ATP1A4: variants seen among roughly 807,000 people sequenced by gnomAD.
The protein encoded by ATP1A4 is sodium/potassium-transporting ATPase subunit alpha-4.
In ATP1A4, 90 loss-of-function variants were observed where a neutral mutation model predicts 114.3. The observed-to-expected ratio is 0.79, with a 90% CI of 0.66 to 0.94. ATP1A4 has a LOEUF of 0.94. Ranked by LOEUF, ATP1A4 falls within the 40% of genes least tolerant of loss-of-function variation. The pLI is 0.00. For synonymous variants in ATP1A4, 511 were observed against 494.1 expected (o/e 1.03, Z -0.45); for missense variants, 1,222 against 1,313.6 (o/e 0.93, Z 1.08).
At position 160,171,726 on chromosome 1, in the gene ATP1A4, C is replaced by T. The variant is rs1571025919; in HGVS notation, c.1823C>T (p.Ala608Val). 2 of 1,614,172 alleles carry T rather than the reference C, an allele frequency of 1.2e-6. No individual in the cohort carries two copies. Among genetic ancestry groups the T allele is most frequent in the Non-Finnish European group, 1.7e-6 (2 of 1,180,024 alleles). Residue 608 changes from alanine (A) to valine (V), a missense_variant, in exon 12 of 22, where the codon GCT becomes GTT. Transcript: ENST00000368081. The part of the protein sequence containing the change: ...IDPPRAAVPD[A>V]VSKCRSAGIK... ...CCTCCCCGAGCTGCAGTGCCTGATG[C>T]TGTGAGCAAGTGTCGCAGTGCAGGA...
chr1:160,168,353 T>C (rs2101639180), intron 10 of ATP1A4, among the ~76,000 whole-genome samples: 1 of 149,646 alleles, frequency 6.7e-6, no homozygotes, highest in Non-Finnish European at 1.5e-5. Flanking sequence ...AAAATGACAA[T>C]GAGACTCCCA....
At chr1:160,163,091 G>A (rs1652914291) in intron 6 of ATP1A4, among the ~76,000 whole-genome samples, 1 of 152,078 alleles carries the variant, frequency 6.6e-6, no homozygotes, top group African/African-American at 2.4e-5. Flanking sequence ...TGCTCTTTGT[G>A]GGAACCAAAC....
At chr1:160,182,423 T>C (rs543078486) in intron 20 of ATP1A4, among the ~76,000 whole-genome samples, 11 of 152,360 alleles carry the variant, frequency 7.2e-5, no homozygotes, top group African/African-American at 2.6e-4. Flanking sequence ...TTAATGTATA[T>C]GTATGTGATC....
rs57317438 is a variant in ATP1A4, at chr1:160,178,014, G to T, written c.2736+350G>T. On this transcript the variant is annotated intron_variant, in intron 18 of 21. Coordinates refer to ENST00000368081, the MANE Select transcript of ATP1A4 (RefSeq NM_144699.4). ...CATGATTGCCCCAGAAATAAATGCTGGGTCCTCTCCTCTTATACTCTCCCT... is the reference window on the plus strand; with the variant it reads ...CATGATTGCCCCAGAAATAAATGCTTGGTCCTCTCCTCTTATACTCTCCCT... 7.5e-4 allele frequency among the ~76,000 whole-genome samples: 114 copies of T among 152,130 alleles called. 1 individual carries two copies. The highest frequency in any genetic ancestry group is 2.7e-3 in the African/African-American group (113 of 41,446).
At position 160,171,584 on chromosome 1, in the gene ATP1A4, G is replaced by C; in HGVS notation, c.1682-1G>C. 1 of 1,613,540 alleles carries C rather than the reference G, an allele frequency of 6.2e-7. No homozygotes were observed. The highest frequency in any genetic ancestry group is 8.5e-7 in the Non-Finnish European group (1 of 1,179,678). Reference sequence around the variant, plus strand: ...TGGTCCCTCCCTCTGTCTCTCTCCAGGCTTCTGCTTCTTGAATCTGCCTAG... The same window carrying C: ...TGGTCCCTCCCTCTGTCTCTCTCCACGCTTCTGCTTCTTGAATCTGCCTAG... On this transcript the variant is annotated splice_acceptor_variant, in intron 11 of 21. Transcript: ENST00000368081. LOFTEE classifies it high-confidence loss of function.
intron 18 of ATP1A4, among the ~76,000 whole-genome samples, chr1:160,177,950 A>G (rs1443329339): frequency 2.0e-5 from 3 of 152,136 alleles, no homozygotes; most frequent in Non-Finnish European, 4.4e-5. Flanking sequence ...TTGTCATATC[A>G]ACTTTTCTGA....
Position 160,173,581 on chromosome 1 carries a change from G to A in ATP1A4, c.1855G>A (p.Val619Met), listed in dbSNP as rs376336998. 17 of 1,613,124 alleles carry A rather than the reference G, an allele frequency of 1.1e-5. No individual in the cohort carries two copies. In the African/African-American group the frequency reaches 1.9e-4, roughly 18 times the overall value. The stretch of plus-strand genomic sequence containing the variant: ...CTCTTCCCTCTCCTTCCCAACCCAG[G>A]TGATCATGGTAACAGGAGATCATCC... ...VSKCRSAGIK[V>M]IMVTGDHPIT... The change falls in exon 13 of 22, where the codon GTG becomes ATG. Residue 619 changes from valine to methionine, a missense_variant and splice_region_variant. Physicochemically the swap from Val to Met is conservative, Grantham distance 21 (BLOSUM62 1). Transcript: ENST00000368081.
intron 3 of ATP1A4, among the ~76,000 whole-genome samples, 155 bp downstream of exon 3, chr1:160,155,403 AAATGTAATTGATTGTAATTAATTAC>A (rs1281571815): frequency 2.6e-5 from 4 of 152,110 alleles, no homozygotes; most frequent in Admixed American, 6.5e-5. Flanking sequence ...CATTAATTAT[AAATGTAATTGATTGTAATTAATTAC>A]AATGTAATTG....
intron 18 of ATP1A4, among the ~76,000 whole-genome samples, chr1:160,181,351 G>A (rs961741283): frequency 2.0e-5 from 3 of 151,972 alleles, no homozygotes; most frequent in Admixed American, 1.3e-4. Flanking sequence ...TCAGGAGTTC[G>A]AGACCAGTCT....
chr1:160,186,831 T>C lies in ATP1A4; in HGVS notation c.*132T>C. 9.2e-7 allele frequency: 1 copy of C among 1,090,428 alleles called. No individual in the cohort carries two copies. The highest frequency in any genetic ancestry group is 1.4e-6 in the Non-Finnish European group (1 of 736,722). The allele number at this position is 1,090,428 out of a possible 1,614,324, so 67.5% of individuals were successfully genotyped here. ...CTTGGATGAGAAAGATGGGCAATCCTGGGCTGGCTTGAGGGAATCATGGGC... is the reference window on the plus strand; with the variant it reads ...CTTGGATGAGAAAGATGGGCAATCCCGGGCTGGCTTGAGGGAATCATGGGC... On this transcript the variant is annotated 3_prime_UTR_variant, in exon 22 of 22. Coordinates refer to ENST00000368081, the MANE Select transcript of ATP1A4 (RefSeq NM_144699.4).
chr1:160,174,792 C>T, intron 15 of ATP1A4, 45 bp downstream of exon 15: 1 of 1,611,090 alleles, frequency 6.2e-7, no homozygotes, highest in Non-Finnish European at 8.5e-7. Context: ...ACCCTGGACT[C>T]AGGTGGGGGT....
rs881292 is a variant in ATP1A4 at position 160,176,291 on chromosome 1, C to T, written c.2466+45C>T. ...GCAAGAGATTCCCAGAATTCTGCCT[C>T]CTAAGCTCCCTGCTTTCTGCCTGGA... On this transcript the variant is annotated intron_variant, in intron 16 of 21. Transcript: ENST00000368081. The T allele has an allele frequency of 2.6e-3, 4,198 of 1,610,188 alleles. 97 individuals are homozygous for T. In the African/African-American group the frequency reaches 0.049, roughly 19 times the overall value.
chr1:160,185,654 C>T (rs1653853413), intron 20 of ATP1A4, among the ~76,000 whole-genome samples: 5 of 151,840 alleles, frequency 3.3e-5, no homozygotes, highest in Admixed American at 3.3e-4. Context: ...GGCATGGTGG[C>T]TCACACTTAT....
At position 160,171,652 on chromosome 1, in the gene ATP1A4, T is replaced by A. The variant is rs1295897309; in HGVS notation, c.1749T>A (p.Asn583Lys). ...KGFPFNTDEI[N>K]FPMDNLCFVG... ...TCCCATTTAATACAGATGAAATAAA[T>A]TTCCCCATGGACAACCTTTGTTTTG... The change falls in exon 12 of 22, where the codon AAT becomes AAA. Residue 583 changes from asparagine (N) to lysine (K), a missense_variant. By Grantham distance (94) the Asn-to-Lys change is moderately conservative. Coordinates refer to ENST00000368081, the MANE Select transcript of ATP1A4 (RefSeq NM_144699.4). 1 of 1,613,970 alleles carries A rather than the reference T, an allele frequency of 6.2e-7. No individual in the cohort carries two copies. Among genetic ancestry groups the A allele is most frequent in the Non-Finnish European group, 8.5e-7 (1 of 1,180,032 alleles).
chr1:160,178,123 G>A (rs772407125), intron 18 of ATP1A4, among the ~76,000 whole-genome samples: 6 of 152,140 alleles, frequency 3.9e-5, no homozygotes, highest in Admixed American at 6.5e-5. Context: ...TTGGGAGGCC[G>A]AAGTGGGCGG....
intron 20 of ATP1A4, chr1:160,182,814 G>A (rs1653753756): frequency 6.6e-6 from 1 of 152,368 alleles, no homozygotes; most frequent in Non-Finnish European, 1.5e-5. Flanking sequence ...TGGGATTACA[G>A]GCACCCGCCA....
chr1:160,159,826 G>A (rs1469664200), intron 6 of ATP1A4, among the ~76,000 whole-genome samples: 1 of 152,188 alleles, frequency 6.6e-6, no homozygotes, highest in Non-Finnish European at 1.5e-5. Context: ...TATTATTTTA[G>A]CTTGTGAATG....
chr1:160,163,077 A>G (rs944858595), intron 6 of ATP1A4, among the ~76,000 whole-genome samples: 2 of 152,168 alleles, frequency 1.3e-5, no homozygotes, highest in African/African-American at 4.8e-5. Flanking sequence ...GACCATTGAC[A>G]GCTTGCTCTT....
intron 8 of ATP1A4, 114 bp downstream of exon 8, chr1:160,166,840 G>A: frequency 1.3e-6 from 2 of 1,514,388 alleles, no homozygotes; most frequent in Non-Finnish European, 1.8e-6. Context: ...GTGGAGTGGA[G>A]AAGAGGGAGG....
Sources: allele counts gnomAD v4.1 joint callset (sites outside exome capture counted in the v4.1 genomes callset), GRCh38; gene constraint gnomAD v4.1.1; transcripts MANE v1.5; gene names NCBI Gene and HGNC (gene_info 2026-07-23, HGNC 2026-07-21).